The following NCBP3 variants were observed in gnomAD, a reference collection of about 807,000 sequenced individuals.
The protein encoded by NCBP3 is nuclear cap-binding protein subunit 3.
NCBP3 carries 20 observed loss-of-function variants against 75.7 expected under a neutral mutation model. The ratio of observed to expected loss-of-function variants is 0.26; its 90% CI spans 0.19 to 0.38. NCBP3 has a LOEUF of 0.38. NCBP3 is among the 10% of genes least tolerant of loss of function. NCBP3 has a pLI of 1.00. For missense variants in NCBP3, 678 were observed against 796.9 expected (o/e 0.85, Z 1.80); for synonymous variants, 293 against 290.5 (o/e 1.01, Z -0.09).
chr17:3,844,171 T>C (rs1271820980), intron 1 of NCBP3, among the ~76,000 whole-genome samples: 1 of 152,176 alleles, frequency 6.6e-6, no homozygotes, highest in African/African-American at 2.4e-5. Context: ...CTAGAACTCC[T>C]GAGGCAAATA....
intron 1 of NCBP3, among the ~76,000 whole-genome samples, chr17:3,845,763 C>G (rs1204525754): frequency 6.6e-6 from 1 of 152,112 alleles, no homozygotes; most frequent in East Asian, 1.9e-4. Context: ...CACAGCGCGG[C>G]TCAGAGGGGG....
intron 3 of NCBP3, among the ~76,000 whole-genome samples, chr17:3,835,714 G>A (rs559556810): frequency 7.7e-4 from 117 of 152,352 alleles, no homozygotes; most frequent in African/African-American, 2.7e-3. Flanking sequence ...AGGCCTGCAG[G>A]GTTGGGCACA....
chr17:3,814,409 C>T lies in NCBP3; in HGVS notation c.1540G>A (p.Glu514Lys), dbSNP rs2053487660. ...CTACTATGCACATCAGAAGAGGGCT[C>T]TCTCCGAACGACGGGGTTACTACTA... ...AFSSNPVVRREPSSDVHSRLG... is the reference protein window; with the variant it reads ...AFSSNPVVRRKPSSDVHSRLG... The change falls in exon 12 of 13, where the codon GAG becomes AAG. Residue 514 changes from glutamate to lysine, a missense_variant. By Grantham distance (56) the Glu-to-Lys change is moderately conservative (BLOSUM62 1). Around this residue, in one of 7 missense-constraint regions of NCBP3, gnomAD observed 365 missense variants for 392.7 expected, o/e 0.93. Coordinates refer to ENST00000389005, the MANE Select transcript of NCBP3 (RefSeq NM_001114118.3). The T allele has an allele frequency of 6.2e-7, 1 of 1,614,204 alleles. No homozygotes were observed. Among genetic ancestry groups the T allele is most frequent in the South Asian group, 1.1e-5 (1 of 91,090 alleles).
At chr17:3,844,069 T>C (rs1057211443) in intron 1 of NCBP3, among the ~76,000 whole-genome samples, 1 of 152,142 alleles carries the variant, frequency 6.6e-6, no homozygotes, top group Non-Finnish European at 1.5e-5. Context: ...GCACAGTCAC[T>C]TAGCTCCCCA....
chr17:3,825,979 T>G (rs2143672535), intron 5 of NCBP3, 108 bp downstream of exon 5: 2 of 1,439,278 alleles, frequency 1.4e-6, no homozygotes, highest in East Asian at 5.0e-5. Flanking sequence ...CATCATAGAT[T>G]AGTTCAGAAA....
intron 4 of NCBP3, among the ~76,000 whole-genome samples, chr17:3,827,260 C>T (rs1171108537): frequency 2.0e-5 from 3 of 152,194 alleles, no homozygotes; most frequent in African/African-American, 7.2e-5. Context: ...GAACAGAACA[C>T]AGGTAGTTAA....
intron 3 of NCBP3, among the ~76,000 whole-genome samples, chr17:3,830,814 C>A (rs1208480558): frequency 3.3e-5 from 5 of 151,954 alleles, no homozygotes; most frequent in African/African-American, 1.2e-4. Flanking sequence ...CCATCCCTTG[C>A]CCTCGTGATC....
In NCBP3 at chr17:3,812,591, C is replaced by T. The variant is rs879777860; in HGVS notation, c.*453G>A. The T allele has an allele frequency of 2.0e-6, 2 of 1,013,378 alleles. No homozygotes were observed. Among genetic ancestry groups the T allele is most frequent in the East Asian group, 2.0e-4 (2 of 10,186 alleles). 62.8% of individuals were successfully genotyped at this position (1,013,378 alleles called of 1,614,324 possible). On this transcript the variant is annotated 3_prime_UTR_variant, in exon 13 of 13. Coordinates refer to ENST00000389005, the MANE Select transcript of NCBP3 (RefSeq NM_001114118.3). ...GCTGGCCGCTTCCCTCCTCTTCCCC[C>T]TCGAAGGATGTCCAATAAGCACCTG...
At chr17:3,822,559 A>G (rs1220804717) in intron 7 of NCBP3, 1 of 152,896 alleles carries the variant, frequency 6.5e-6, no homozygotes, top group African/African-American at 2.4e-5. Flanking sequence ...TAAAGAAAAC[A>G]GCATAATACT....
At chr17:3,831,380 G>A (rs1312930684) in intron 3 of NCBP3, among the ~76,000 whole-genome samples, 1 of 151,528 alleles carries the variant, frequency 6.6e-6, no homozygotes. Context: ...GAGACCATCT[G>A]GCCAACATGG....
At chr17:3,817,490 G>A (rs1303789940) in intron 10 of NCBP3, among the ~76,000 whole-genome samples, 1 of 152,086 alleles carries the variant, frequency 6.6e-6, no homozygotes, top group Admixed American at 6.5e-5. Context: ...TTAGCCAGGA[G>A]TAGTGGCAGG....
rs912632963 is a variant in NCBP3 at position 3,812,465 on chromosome 17, G to A, written c.*579C>T. ...AGCAATCCCCGAGGGAAGAACGGAA[G>A]CACAGTCAATGCTGCAGCTCTTATC... On this transcript the variant is annotated 3_prime_UTR_variant, in exon 13 of 13. Coordinates refer to ENST00000389005, the MANE Select transcript of NCBP3 (RefSeq NM_001114118.3). The A allele has an allele frequency of 1.4e-5, 14 of 969,454 alleles. No homozygotes were observed. Among genetic ancestry groups the A allele is most frequent in the Non-Finnish European group, 1.6e-5 (13 of 814,776 alleles). 60.1% of individuals were successfully genotyped at this position (969,454 alleles called of 1,614,324 possible).
chr17:3,824,691 G>A (rs2053752095), intron 7 of NCBP3: 2 of 238,064 alleles, frequency 8.4e-6, no homozygotes, highest in Non-Finnish European at 1.6e-5. Context: ...GAAAATATAT[G>A]AGGCAAACCA....
At chr17:3,827,618 A>T (rs1288065661) in intron 4 of NCBP3, among the ~76,000 whole-genome samples, 1 of 152,248 alleles carries the variant, frequency 6.6e-6, no homozygotes, top group Non-Finnish European at 1.5e-5. Flanking sequence ...TGGGAAATGA[A>T]GCTCTGAGGC....
intron 3 of NCBP3, 123 bp from the exon 4 acceptor site, chr17:3,829,491 T>A: frequency 9.1e-7 from 1 of 1,100,934 alleles, no homozygotes; most frequent in Non-Finnish European, 1.3e-6. Context: ...TGAGAGAAAC[T>A]ATAATTATTT....
intron 11 of NCBP3, 63 bp from the exon 12 acceptor site, chr17:3,814,546 C>G: frequency 6.4e-7 from 1 of 1,565,730 alleles, no homozygotes; most frequent in Non-Finnish European, 8.7e-7. Flanking sequence ...CACCAGCCGC[C>G]TGACACCTCT....
At chr17:3,829,584 T>C (rs1597405768) in intron 3 of NCBP3, among the ~76,000 whole-genome samples, 2 of 152,312 alleles carry the variant, frequency 1.3e-5, no homozygotes, top group East Asian at 3.9e-4. Context: ...AACAGGCCTA[T>C]CAGGCTCAGA....
At chr17:3,815,315 C>T (rs1053872638) in intron 11 of NCBP3, among the ~76,000 whole-genome samples, 1 of 152,220 alleles carries the variant, frequency 6.6e-6, no homozygotes, top group African/African-American at 2.4e-5. Context: ...CAAGGCCTGG[C>T]TCTAATGCTA....
intron 4 of NCBP3, 49 bp downstream of exon 4, chr17:3,829,194 G>C (rs1054340548): frequency 6.5e-7 from 1 of 1,545,190 alleles, no homozygotes; most frequent in African/African-American, 1.4e-5. Flanking sequence ...AAGAACTCTT[G>C]AAAAATCATC....
Sources: gnomAD v4.1 joint callset for allele counts (sites outside exome capture counted in the v4.1 genomes callset) on GRCh38, gnomAD v4.1.1 for gene constraint, gnomAD v4.1.1 regional missense constraint, MANE v1.5 for transcripts, NCBI Gene and HGNC (gene_info 2026-07-23, HGNC 2026-07-21) for gene names.